Variants in BANK1 observed in about 807,000 individuals in gnomAD.
The protein encoded by BANK1 is B cell scaffold protein with ankyrin repeats 1, also known as B-cell scaffold protein with ankyrin repeats.
Under a neutral mutation model 94.5 loss-of-function variants are expected in BANK1, and 95 were observed. The ratio of observed to expected loss-of-function variants is 1.00; its 90% CI spans 0.85 to 1.19. The LOEUF (loss-of-function observed/expected upper bound fraction) is 1.19. Among genes scored for constraint, BANK1 ranks in the 50% most tolerant of loss-of-function variants. The probability of loss-of-function intolerance (pLI) is 0.00; values close to 1 mark genes in which losing one functional copy is unlikely to be tolerated. For synonymous variants in BANK1, 334 were observed against 308.4 expected (o/e 1.08, Z -0.87); for missense variants, 987 against 932.2 (o/e 1.06, Z -0.77).
intron 7 of BANK1, among the ~76,000 whole-genome samples, chr4:101,964,566 C>T (rs1425257138): frequency 6.6e-6 from 1 of 151,806 alleles, no homozygotes; most frequent in Non-Finnish European, 1.5e-5. Flanking sequence ...CTAGCATGTA[C>T]CTTTAAGTTC....
rs1553940695 is a variant in BANK1 at position 102,007,144 on chromosome 4, T to TA, written c.1207-14370_1207-14369insA. On this transcript the variant is annotated intron_variant, in intron 7 of 16. Transcript: ENST00000322953. ...ATTTTATATATATATAAAAAATATA[T>TA]TTTATATATATATATATATATATAT... Among the ~76,000 whole-genome samples the TA allele has an allele frequency of 2.3e-3, 196 of 83,800 alleles. 2 individuals are homozygous for TA. The highest frequency in any genetic ancestry group is 5.8e-3 in the Middle Eastern group (1 of 172). The allele number at this position is 83,800 out of a possible 152,430, so 55.0% of individuals were successfully genotyped here.
chr4:101,839,820 A>C (rs1208439742), intron 2 of BANK1, among the ~76,000 whole-genome samples: 1 of 151,814 alleles, frequency 6.6e-6, no homozygotes, highest in African/African-American at 2.4e-5. Context: ...TTTATATCTA[A>C]TGTGTAATTG....
At chr4:101,905,323 C>G (rs886798737) in intron 6 of BANK1, among the ~76,000 whole-genome samples, 19 of 152,186 alleles carry the variant, frequency 1.2e-4, no homozygotes, top group African/African-American at 4.6e-4. Context: ...CAGCATAAAT[C>G]TACTGTGGCA....
intron 1 of BANK1, among the ~76,000 whole-genome samples, chr4:101,797,784 A>G (rs1725209374): frequency 6.6e-6 from 1 of 152,212 alleles, no homozygotes; most frequent in South Asian, 2.1e-4. Flanking sequence ...CATGAGAAAT[A>G]GTCACATTAA....
chr4:101,790,903 A>G lies in BANK1; in HGVS notation c.23A>G (p.Lys8Arg). Residue 8 changes from lysine (K) to arginine (R), a missense_variant, in exon 1 of 17, where the codon AAG (lysine) becomes AGG (arginine). Lys to Arg is a conservative substitution (Grantham distance 26). Transcript: ENST00000322953. ...ACAATGCTGCCAGCAGCGCCAGGCA[A>G]GGGGCTTGGGAGCCCGGACCCCGCC... Reference protein sequence around the residue: MLPAAPGKGLGSPDPAPC... With the variant: MLPAAPGRGLGSPDPAPC... The G allele has an allele frequency of 6.5e-7, 1 of 1,540,442 alleles. No individual in the cohort carries two copies. Among genetic ancestry groups the G allele is most frequent in the Non-Finnish European group, 8.7e-7 (1 of 1,147,812 alleles).
chr4:102,009,222 A>G lies in BANK1; in HGVS notation c.1207-12292A>G, dbSNP rs553423305. Among the ~76,000 whole-genome samples, 5 of 152,252 alleles carry G rather than the reference A, an allele frequency of 3.3e-5. No individual in the cohort carries two copies. The South Asian group carries it at 1.0e-3, about 32-fold the overall frequency. ...ATCCTGGCTCCTGCTGCCCAACTTG[A>G]GTGTTGGAAAGTGGTGAGGAAAGAA... On this transcript the variant is annotated intron_variant, in intron 7 of 16. Coordinates refer to ENST00000322953, the MANE Select transcript of BANK1 (RefSeq NM_017935.5).
At position 101,866,019 on chromosome 4, in the gene BANK1, A is replaced by G. The variant is rs565582415; in HGVS notation, c.763+3355A>G. On this transcript the variant is annotated intron_variant, in intron 4 of 16. Transcript: ENST00000322953. ...TTACCTTACATCTAGTCATAAACCA[A>G]ACATTGCAAGGCATTCCTAAAGACA... Among the ~76,000 whole-genome samples the G allele has an allele frequency of 2.0e-5, 3 of 152,274 alleles. No homozygotes were observed. In the East Asian group the frequency reaches 5.8e-4, roughly 29 times the overall value.
At chr4:101,919,654 T>C (rs1430364954) in intron 7 of BANK1, among the ~76,000 whole-genome samples, 1 of 152,060 alleles carries the variant, frequency 6.6e-6, no homozygotes, top group Non-Finnish European at 1.5e-5. Flanking sequence ...TACTTGATAA[T>C]TCTTGTGTGA....
intron 9 of BANK1, among the ~76,000 whole-genome samples, chr4:102,028,818 TG>T (rs1469371223): frequency 5.9e-5 from 9 of 152,294 alleles, no homozygotes; most frequent in African/African-American, 2.2e-4. Context: ...ATTCTTTTCA[TG>T]TGAATTCATT....
intron 1 of BANK1, among the ~76,000 whole-genome samples, chr4:101,818,794 G>T (rs1307792526): frequency 6.6e-6 from 1 of 151,292 alleles, no homozygotes; most frequent in East Asian, 1.9e-4. Flanking sequence ...TATATATAGA[G>T]TTCTATGCTA....
At chr4:101,817,844 CA>C (rs1345634759) in intron 1 of BANK1, among the ~76,000 whole-genome samples, 3 of 148,932 alleles carry the variant, frequency 2.0e-5, no homozygotes, top group Admixed American at 6.7e-5. Context: ...TTTTTTTTTG[CA>C]ATTTTTTTTT....
intron 11 of BANK1, among the ~76,000 whole-genome samples, chr4:102,050,215 C>A (rs563516241): frequency 6.6e-6 from 1 of 152,234 alleles, no homozygotes; most frequent in Non-Finnish European, 1.5e-5. Flanking sequence ...GCCTTATGCC[C>A]CTCAGCTGAA....
intron 10 of BANK1, among the ~76,000 whole-genome samples, chr4:102,036,090 T>A (rs975244751): frequency 1.3e-5 from 2 of 152,230 alleles, no homozygotes; most frequent in Admixed American, 1.3e-4. Context: ...ACACAATTAA[T>A]AGAACAAAGA....
intron 5 of BANK1, among the ~76,000 whole-genome samples, chr4:101,889,719 G>A (rs1206271747): frequency 6.7e-6 from 1 of 148,288 alleles, no homozygotes; most frequent in Non-Finnish European, 1.5e-5. Context: ...TGTTCTGCTT[G>A]CTTTGAGATT....
intron 11 of BANK1, among the ~76,000 whole-genome samples, chr4:102,056,998 C>CAAAAA (rs563643331): frequency 6.6e-6 from 1 of 151,796 alleles, no homozygotes; most frequent in Non-Finnish European, 1.5e-5. Flanking sequence ...GAGACTGCCT[C>CAAAAA]AAAACAAAAA....
chr4:101,977,490 A>G (rs551635163), intron 7 of BANK1, among the ~76,000 whole-genome samples: 29 of 152,306 alleles, frequency 1.9e-4, no homozygotes, highest in Admixed American at 4.6e-4. Context: ...CTTTTTCATC[A>G]TAAACTGTGT....
At chr4:102,035,764 A>G (rs1402457648) in intron 10 of BANK1, among the ~76,000 whole-genome samples, 1 of 152,212 alleles carries the variant, frequency 6.6e-6, no homozygotes, top group Non-Finnish European at 1.5e-5. Context: ...AATCACAAGA[A>G]TAACTCATTT....
At chr4:101,989,580 C>G (rs1725631528) in intron 7 of BANK1, among the ~76,000 whole-genome samples, 1 of 151,698 alleles carries the variant, frequency 6.6e-6, no homozygotes. Context: ...GGCCAAGATT[C>G]AAACTGGACA....
intron 7 of BANK1, among the ~76,000 whole-genome samples, chr4:101,991,183 C>T (rs1245663353): frequency 6.6e-6 from 1 of 152,246 alleles, no homozygotes; most frequent in African/African-American, 2.4e-5. Flanking sequence ...ATCCTGTTCT[C>T]TGAGACTCCA....
Sources: gnomAD v4.1 joint callset for allele counts (sites outside exome capture counted in the v4.1 genomes callset) on GRCh38, gnomAD v4.1.1 for gene constraint, MANE v1.5 for transcripts, NCBI Gene and HGNC (gene_info 2026-07-23, HGNC 2026-07-21) for gene names.